TMEM132C: variants seen among roughly 807,000 people sequenced by gnomAD.
TMEM132C encodes transmembrane protein 132C, also known as protein phosphatase 1, regulatory subunit 152.
In TMEM132C, 29 loss-of-function variants were observed where a neutral mutation model predicts 61.4. That is an observed-to-expected ratio of 0.47 (90% CI 0.35 to 0.64). The LOEUF (loss-of-function observed/expected upper bound fraction) is 0.64. Among genes scored for constraint, TMEM132C ranks in the 30% least tolerant of loss-of-function variants. The pLI is 0.00. For missense variants in TMEM132C, 1,408 were observed against 1,476.9 expected, an observed-to-expected ratio of 0.95 and a Z score of 0.76; for synonymous variants, 656 against 633.1, an observed-to-expected ratio of 1.04 and a Z score of -0.54.
chr12:128,363,596 C>G (rs1036510728), intron 1 of TMEM132C, among the ~76,000 whole-genome samples: 1 of 151,988 alleles, frequency 6.6e-6, no homozygotes, highest in African/African-American at 2.4e-5. Flanking sequence ...GCCTGTAATC[C>G]CAGCACTTTG....
At chr12:128,335,018 A>AT (rs1467818868) in intron 1 of TMEM132C, among the ~76,000 whole-genome samples, 1 of 152,052 alleles carries the variant, frequency 6.6e-6, no homozygotes, top group Non-Finnish European at 1.5e-5. Context: ...TTCCATGTTG[A>AT]TTTTTTTTAA....
At chr12:128,532,249 C>T (rs1407219288) in intron 2 of TMEM132C, among the ~76,000 whole-genome samples, 1 of 151,956 alleles carries the variant, frequency 6.6e-6, no homozygotes, top group African/African-American at 2.4e-5. Flanking sequence ...TTTTCTATAG[C>T]TCCTTTATGA....
At chr12:128,400,476 G>C (rs1875115758) in intron 1 of TMEM132C, among the ~76,000 whole-genome samples, 1 of 152,112 alleles carries the variant, frequency 6.6e-6, no homozygotes, top group Non-Finnish European at 1.5e-5. Context: ...CCAGCACAGT[G>C]ATCTTTGGGG....
chr12:128,503,195 A>C (rs1200700084), intron 2 of TMEM132C, among the ~76,000 whole-genome samples: 1 of 152,258 alleles, frequency 6.6e-6, no homozygotes, highest in African/African-American at 2.4e-5. Flanking sequence ...ATTGACCTCA[A>C]TACAGCAGAG....
chr12:128,544,563 G>C (rs1873884082), intron 3 of TMEM132C, among the ~76,000 whole-genome samples: 1 of 152,216 alleles, frequency 6.6e-6, no homozygotes, highest in African/African-American at 2.4e-5. Context: ...AGACATCCTG[G>C]ATGATTTTTT....
rs919119898 is a variant in TMEM132C, at chr12:128,469,806, GTA to G, written c.974+54195_974+54196del. On this transcript the variant is annotated intron_variant, in intron 2 of 8. Transcript: ENST00000435159. ...TAAATGTGTATATGCATTTATGTGT[GTA>G]TATATATACACACGTGCATTTATAT... Among the ~76,000 whole-genome samples, 55 of 150,276 alleles carry G rather than the reference GTA, an allele frequency of 3.7e-4. 2 individuals carry two copies. The highest frequency in any genetic ancestry group is 3.6e-3 in the Admixed American group (55 of 15,114).
At chr12:128,506,963 G>A (rs1350084174) in intron 2 of TMEM132C, among the ~76,000 whole-genome samples, 4 of 152,054 alleles carry the variant, frequency 2.6e-5, no homozygotes, top group Non-Finnish European at 5.9e-5. Flanking sequence ...TGAACTAGTG[G>A]TGGCCACTTT....
chr12:128,653,093 C>G (rs1429546320), intron 4 of TMEM132C, among the ~76,000 whole-genome samples: 2 of 152,118 alleles, frequency 1.3e-5, no homozygotes. Context: ...ATTATCAGGC[C>G]ATTAAAAGGA....
chr12:128,554,024 A>G (rs1874256160), intron 3 of TMEM132C, among the ~76,000 whole-genome samples: 6 of 152,216 alleles, frequency 3.9e-5, no homozygotes, highest in Admixed American at 3.9e-4. Context: ...CTTCTAAAAG[A>G]ATCTAAAAAG....
chr12:128,513,894 C>G (rs1389556512), intron 2 of TMEM132C, among the ~76,000 whole-genome samples: 1 of 152,202 alleles, frequency 6.6e-6, no homozygotes, highest in African/African-American at 2.4e-5. Context: ...AAGACGGAGC[C>G]TGTTCCAAGG....
intron 4 of TMEM132C, among the ~76,000 whole-genome samples, chr12:128,639,403 GTGA>G (rs761243435): frequency 6.7e-5 from 10 of 148,420 alleles, no homozygotes; most frequent in Admixed American, 3.3e-4. Flanking sequence ...AATGATGATG[GTGA>G]TGATGATGAT....
chr12:128,400,711 C>T (rs1192587707), intron 1 of TMEM132C, among the ~76,000 whole-genome samples: 2 of 151,504 alleles, frequency 1.3e-5, no homozygotes, highest in East Asian at 3.9e-4. Flanking sequence ...CGGGTTCAAG[C>T]GATTCTCTTT....
intron 1 of TMEM132C, among the ~76,000 whole-genome samples, chr12:128,314,535 C>T (rs1872083296): frequency 6.6e-6 from 1 of 152,156 alleles, no homozygotes; most frequent in African/African-American, 2.4e-5. Flanking sequence ...CCCAGAGTGT[C>T]ACTTTAGCTG....
intron 4 of TMEM132C, among the ~76,000 whole-genome samples, chr12:128,623,461 A>G (rs1243839318): frequency 7.1e-6 from 1 of 141,490 alleles, no homozygotes; most frequent in Non-Finnish European, 1.5e-5. Flanking sequence ...AAAAAAATGA[A>G]ACCTGCCAAA....
At chr12:128,282,786 G>A (rs1035003028) in intron 1 of TMEM132C, among the ~76,000 whole-genome samples, 1 of 152,172 alleles carries the variant, frequency 6.6e-6, no homozygotes, top group Non-Finnish European at 1.5e-5. Flanking sequence ...TACCAGGCTA[G>A]TTATTTTGTG....
At chr12:128,625,509 TCA>T (rs1490063672) in intron 4 of TMEM132C, among the ~76,000 whole-genome samples, 1 of 152,184 alleles carries the variant, frequency 6.6e-6, no homozygotes, top group Non-Finnish European at 1.5e-5. Context: ...TGGGGAGGCC[TCA>T]CAATCATGGT....
intron 1 of TMEM132C, among the ~76,000 whole-genome samples, chr12:128,284,102 C>T (rs529442399): frequency 8.5e-4 from 129 of 152,192 alleles, no homozygotes; most frequent in Non-Finnish European, 1.7e-3. Context: ...TGAATGAGCA[C>T]GTTGACCAGA....
Position 128,451,439 on chromosome 12 carries a change from G to A in TMEM132C, c.974+35819G>A, listed in dbSNP as rs569064195. On this transcript the variant is annotated intron_variant, in intron 2 of 8. Coordinates refer to ENST00000435159, the MANE Select transcript of TMEM132C (RefSeq NM_001136103.3). ...ATCCTCTTCATCCTTTTTAATTTGT[G>A]TGAGTCTCCGCCTGCTACCCCCGGC... 8.5e-5 allele frequency among the ~76,000 whole-genome samples: 13 copies of A among 152,104 alleles called. No homozygotes were observed. In the East Asian group the frequency reaches 2.1e-3, roughly 25 times the overall value.
intron 4 of TMEM132C, among the ~76,000 whole-genome samples, chr12:128,635,647 T>G (rs1954097854): frequency 6.6e-6 from 1 of 152,050 alleles, no homozygotes; most frequent in Non-Finnish European, 1.5e-5. Flanking sequence ...CTGAAACAGA[T>G]CTCCATTGTC....
Sources: gnomAD v4.1 joint callset for allele counts (sites outside exome capture counted in the v4.1 genomes callset) on GRCh38, gnomAD v4.1.1 for gene constraint, MANE v1.5 for transcripts, NCBI Gene and HGNC (gene_info 2026-07-23, HGNC 2026-07-21) for gene names.